The following NHSL2 variants were observed in gnomAD, a reference collection of about 807,000 sequenced individuals.
NHSL2 encodes the protein NHS like 2, also known as NHS-like protein 2.
A neutral mutation model predicts 53.4 loss-of-function variants in NHSL2; 27 were observed. That is an observed-to-expected ratio of 0.51 (90% CI 0.37 to 0.70). The LOEUF (loss-of-function observed/expected upper bound fraction) is 0.70, where lower values mean the gene tolerates loss of function less well. NHSL2 is among the 30% of genes least tolerant of loss of function. The probability of loss-of-function intolerance (pLI) is 0.00; values close to 1 mark genes in which losing one functional copy is unlikely to be tolerated. For synonymous variants in NHSL2, 408 were observed against 404.1 expected (o/e 1.01, Z -0.12); for missense variants, 892 against 980.1 (o/e 0.91, Z 1.20).
intron 1 of NHSL2, among the ~76,000 whole-genome samples, chrX:72,026,185 C>T (rs905877322): frequency 8.9e-6 from 1 of 112,139 alleles, no homozygotes; most frequent in Non-Finnish European, 1.9e-5. Flanking sequence ...CCTTTAAATC[C>T]AATGTTCCCA....
At chrX:72,044,970 AAAAAG>A in intron 1 of NHSL2, 1 of 585,754 alleles carries the variant, frequency 1.7e-6, no homozygotes, top group East Asian at 3.4e-5. Flanking sequence ...AAAAAAAAAA[AAAAAG>A]AAGAGTGGCC....
chrX:72,144,496 A>C lies in NHSL2; in HGVS notation c.*922A>C, dbSNP rs781518543. Reference sequence around the variant, plus strand: ...ATAAAATTCATTACAGGAAGTAATTAACTGAAGGAACAGCATCATCAAAGG... The same window carrying C: ...ATAAAATTCATTACAGGAAGTAATTCACTGAAGGAACAGCATCATCAAAGG... On this transcript the variant is annotated 3_prime_UTR_variant, in exon 8 of 8. Coordinates refer to ENST00000633930, the MANE Select transcript of NHSL2 (RefSeq NM_001013627.3). The C allele has an allele frequency of 2.0e-6, 2 of 1,011,079 alleles. No homozygotes were observed. Among genetic ancestry groups the C allele is most frequent in the Non-Finnish European group, 2.6e-6 (2 of 764,055 alleles). The allele number at this position is 1,011,079 out of a possible 1,213,427, so 83.3% of individuals were successfully genotyped here. A position where few individuals can be genotyped will look rare whatever the true frequency, so the allele number is the denominator to read the frequency against.
intron 1 of NHSL2, among the ~76,000 whole-genome samples, chrX:72,109,526 A>G (rs2042073428): frequency 1.8e-5 from 2 of 111,576 alleles, no homozygotes; most frequent in Non-Finnish European, 1.9e-5. Context: ...ATTGAGTGCA[A>G]TGGCGCGATC....
chrX:72,007,581 A>C (rs1307636032), intron 1 of NHSL2, among the ~76,000 whole-genome samples: 2 of 113,273 alleles, frequency 1.8e-5, no homozygotes, highest in South Asian at 3.6e-4. Context: ...GAACTAACAC[A>C]TACTGAGCAG....
At chrX:72,124,780 T>C (rs1394165054) in intron 1 of NHSL2, among the ~76,000 whole-genome samples, 1 of 112,068 alleles carries the variant, frequency 8.9e-6, no homozygotes, top group Non-Finnish European at 1.9e-5. Flanking sequence ...AAGTCACAGC[T>C]GTTTCACAGG....
At chrX:71,951,183 T>G (rs1426547811) in intron 1 of NHSL2, among the ~76,000 whole-genome samples, 2 of 111,835 alleles carry the variant, frequency 1.8e-5, no homozygotes, top group East Asian at 5.6e-4. Flanking sequence ...TCTAAATATA[T>G]TTGGATTATC....
chrX:71,934,749 GT>G (rs1314190509), intron 1 of NHSL2, among the ~76,000 whole-genome samples: 82 of 111,549 alleles, frequency 7.4e-4, no homozygotes, highest in Non-Finnish European at 1.3e-3. Context: ...ATTAGGATCT[GT>G]TTTGGAGTAG....
chrX:72,076,182 C>T (rs1358333778), intron 1 of NHSL2, among the ~76,000 whole-genome samples: 1 of 111,219 alleles, frequency 9.0e-6, no homozygotes, highest in Non-Finnish European at 1.9e-5. Context: ...ATCTGCCTGC[C>T]TTGGCCTCCC....
At chrX:72,081,424 G>A (rs2041790859) in intron 1 of NHSL2, among the ~76,000 whole-genome samples, 2 of 112,133 alleles carry the variant, frequency 1.8e-5, no homozygotes, top group Non-Finnish European at 3.8e-5. Flanking sequence ...GTGAGCCCTA[G>A]AGAAGAAGGG....
In NHSL2 at chrX:72,143,770, T is replaced by C; in HGVS notation, c.*196T>C. 2 of 365,095 alleles carry C rather than the reference T, an allele frequency of 5.5e-6. No homozygotes were observed. The highest frequency in any genetic ancestry group is 9.5e-6 in the Non-Finnish European group (2 of 210,034). The allele number at this position is 365,095 out of a possible 1,213,427, so 30.1% of individuals were successfully genotyped here. ...GCACTTAATCATCTTCAGACATTTT[T>C]ATGTTTTCATACTTATAAGCTTGTC... is the stretch of plus-strand genomic sequence containing the variant. On this transcript the variant is annotated 3_prime_UTR_variant, in exon 8 of 8. Coordinates refer to ENST00000633930, the MANE Select transcript of NHSL2 (RefSeq NM_001013627.3).
At chrX:71,977,425 CTTT>C (rs374810519) in intron 1 of NHSL2, among the ~76,000 whole-genome samples, 2 of 92,712 alleles carry the variant, frequency 2.2e-5, no homozygotes. Context: ...CTCTCTCTCT[CTTT>C]TTTTTTTTTT....
chrX:71,910,946 G>A lies in NHSL2; in HGVS notation c.-142G>A. On this transcript the variant is annotated 5_prime_UTR_variant, in exon 1 of 8. Coordinates refer to ENST00000633930, the MANE Select transcript of NHSL2 (RefSeq NM_001013627.3). ...TACCCGCCCGTCGTCTTTGGCGCCC[G>A]CACGCTCTCCGGCCCGCGCCCAGGG... The A allele has an allele frequency of 5.0e-6, 2 of 402,704 alleles. No individual in the cohort carries two copies. The highest frequency in any genetic ancestry group is 7.2e-6 in the Non-Finnish European group (2 of 278,783). 33.2% of individuals were successfully genotyped at this position (402,704 alleles called of 1,213,427 possible).
chrX:72,115,710 G>C (rs990183135), intron 1 of NHSL2, among the ~76,000 whole-genome samples: 1 of 110,815 alleles, frequency 9.0e-6, no homozygotes, highest in African/African-American at 3.3e-5. Flanking sequence ...CTGCCATTGT[G>C]GGGGGAAGGG....
At chrX:71,913,376 G>A (rs1320071620) in intron 1 of NHSL2, among the ~76,000 whole-genome samples, 1 of 111,986 alleles carries the variant, frequency 8.9e-6, no homozygotes, top group South Asian at 3.7e-4. Context: ...GTTGGGGAGC[G>A]TAATCAGTGC....
chrX:71,948,613 C>T (rs965360384), intron 1 of NHSL2, among the ~76,000 whole-genome samples: 1 of 110,519 alleles, frequency 9.0e-6, no homozygotes, highest in African/African-American at 3.3e-5. Context: ...GGGTGGATCA[C>T]GAGGTCAGAA....
intron 1 of NHSL2, among the ~76,000 whole-genome samples, chrX:72,052,616 C>G (rs2042347209): frequency 8.9e-6 from 1 of 111,923 alleles, no homozygotes; most frequent in Non-Finnish European, 1.9e-5. Context: ...CCTTCCTCTT[C>G]CAGTCCAGCT....
chrX:71,994,513 A>T (rs767301878), intron 1 of NHSL2, among the ~76,000 whole-genome samples: 4 of 110,942 alleles, frequency 3.6e-5, no homozygotes, highest in Non-Finnish European at 7.5e-5. Context: ...GCCCTATGTG[A>T]CTAGTGTTTA....
rs1463078825 is a variant in NHSL2, at chrX:72,149,867, A to G, written c.*6293A>G. ...GGGACCAACCTCTCTCATTTCACAC[A>G]TGAGGAAGCTGAGGCCCAGAAAGGT... On this transcript the variant is annotated 3_prime_UTR_variant, in exon 8 of 8. Transcript: ENST00000633930. 8.9e-6 allele frequency: 1 copy of G among 112,270 alleles called. No homozygotes were observed. The highest frequency in any genetic ancestry group is 2.8e-4 in the East Asian group (1 of 3,588). 9.3% of individuals were successfully genotyped at this position (112,270 alleles called of 1,213,427 possible). A position where few individuals can be genotyped will look rare whatever the true frequency, so the allele number is the denominator to read the frequency against.
Position 72,151,008 on chromosome X carries a change from G to T in NHSL2, c.*7434G>T, listed in dbSNP as rs1387176220. On this transcript the variant is annotated 3_prime_UTR_variant, in exon 8 of 8. Coordinates refer to ENST00000633930, the MANE Select transcript of NHSL2 (RefSeq NM_001013627.3). ...TCATTCGTTTGTTTTGCAACCTTTG[G>T]ATAATGTAAACCACTCTCTTTTTTT... is the stretch of plus-strand genomic sequence containing the variant. 1 of 108,128 alleles carries T rather than the reference G, an allele frequency of 9.2e-6. No individual in the cohort carries two copies. Among genetic ancestry groups the T allele is most frequent in the Non-Finnish European group, 1.9e-5 (1 of 52,677 alleles). The allele number at this position is 108,128 out of a possible 1,213,427, so 8.9% of individuals were successfully genotyped here. A position where few individuals can be genotyped will look rare whatever the true frequency, so the allele number is the denominator to read the frequency against.
Sources: allele counts gnomAD v4.1 joint callset (sites outside exome capture counted in the v4.1 genomes callset), GRCh38; gene constraint gnomAD v4.1.1; transcripts MANE v1.5; gene names NCBI Gene and HGNC (gene_info 2026-07-23, HGNC 2026-07-21).